The following BRWD3 variants were observed in gnomAD, a reference collection of about 807,000 sequenced individuals.
BRWD3 encodes bromodomain and WD repeat domain containing 3.
BRWD3 carries 10 observed loss-of-function variants against 149.7 expected under a neutral mutation model. The ratio of observed to expected loss-of-function variants is 0.07; its 90% CI spans 0.04 to 0.11. The LOEUF (loss-of-function observed/expected upper bound fraction) is 0.11. Among genes scored for constraint, BRWD3 ranks in the 10% least tolerant of loss-of-function variants. The pLI is 1.00. For synonymous variants in BRWD3, 504 were observed against 456.7 expected (o/e 1.10, Z -1.32); for missense variants, 940 against 1,373.2 (o/e 0.68, Z 4.99).
Position 80,795,392 on chromosome X carries a change from CAT to C in BRWD3, c.181-1622_181-1621del, listed in dbSNP as rs764551317. Among the ~76,000 whole-genome samples, 15 of 108,506 alleles carry C rather than the reference CAT, an allele frequency of 1.4e-4. No individual in the cohort carries two copies. The South Asian group carries it at 2.7e-3, about 20-fold the overall frequency. 94.2% of individuals were successfully genotyped at this position (108,506 alleles called of 115,157 possible). A position where few individuals can be genotyped will look rare whatever the true frequency, so the allele number is the denominator to read the frequency against. On this transcript the variant is annotated intron_variant, in intron 4 of 40. Transcript: ENST00000373275. ...ATGTGTATATATACACACATATATA[CAT>C]ATATGTGTGTATATTCAGTGGTATA...
intron 8 of BRWD3, among the ~76,000 whole-genome samples, chrX:80,741,299 C>T (rs866902758): frequency 1.8e-5 from 2 of 111,977 alleles, no homozygotes; most frequent in Non-Finnish European, 1.9e-5. Flanking sequence ...TTTCTTAATC[C>T]AGTCTATCAT....
rs1169072484 is a variant in BRWD3, at chrX:80,682,016, G to C, written c.4476C>G (p.Ser1492Arg). The part of the protein sequence containing the change: ...QNTSVSHART[S>R]SPFSSPVSDA... ...ATTTACCAGGAGATGAGAAAGGAGA[G>C]CTAGTCCTGGCATGAGATACTGAGG... The change falls in exon 39 of 41, where the codon AGC becomes AGG. Residue 1492 changes from serine to arginine, a missense_variant. This residue lies in a region of BRWD3 where 349 missense variants were observed against 419.6 expected (regional missense o/e 0.83). Transcript: ENST00000373275. 7.5e-6 allele frequency: 9 copies of C among 1,202,754 alleles called. No individual in the cohort carries two copies. The highest frequency in any genetic ancestry group is 1.0e-5 in the Non-Finnish European group (9 of 889,234).
intron 20 of BRWD3, among the ~76,000 whole-genome samples, chrX:80,713,500 C>A (rs6616698): frequency 1.8e-5 from 2 of 109,205 alleles, no homozygotes; most frequent in African/African-American, 3.4e-5. Flanking sequence ...CAGCATGCTC[C>A]TTAAGAGTCA....
chrX:80,740,102 A>AT (rs1275031577), intron 8 of BRWD3, among the ~76,000 whole-genome samples: 14 of 111,854 alleles, frequency 1.3e-4, no homozygotes, highest in Non-Finnish European at 2.1e-4. Flanking sequence ...GTTGACATGA[A>AT]TTTTTTTCAA....
intron 4 of BRWD3, among the ~76,000 whole-genome samples, chrX:80,807,383 CAAAAAT>C (rs1009253979): frequency 9.0e-6 from 1 of 111,716 alleles, no homozygotes; most frequent in African/African-American, 3.3e-5. Context: ...ATAACACAAA[CAAAAAT>C]AACAAAATGA....
intron 8 of BRWD3, among the ~76,000 whole-genome samples, chrX:80,742,214 T>C (rs2073522443): frequency 9.0e-6 from 1 of 110,944 alleles, no homozygotes; most frequent in South Asian, 3.9e-4. Flanking sequence ...AAAGATCAGA[T>C]GGTTGTAGAT....
rs769680542 is a variant in BRWD3 at position 80,695,953 on chromosome X, G to A, written c.3106C>T (p.Leu1036=). 10 of 1,209,627 alleles carry A rather than the reference G, an allele frequency of 8.3e-6. No homozygotes were observed. In the South Asian group the frequency reaches 1.8e-4, roughly 21 times the overall value. ...DMPDVIDFLV[L]HQFYNEAKER... Reference sequence around the variant, plus strand: ...TTGGCTTCATTATAAAACTGATGTAGCACAAGGAAGTCAATGACATCCGGC... The same window carrying A: ...TTGGCTTCATTATAAAACTGATGTAACACAAGGAAGTCAATGACATCCGGC... The change falls in exon 27 of 41, where the codon CTA becomes TTA. Residue 1036 remains leucine, a synonymous_variant. Transcript: ENST00000373275.
intron 19 of BRWD3, chrX:80,716,833 G>C (rs191300594): frequency 9.1e-6 from 1 of 110,493 alleles, no homozygotes; most frequent in African/African-American, 3.3e-5. Flanking sequence ...TCTATGTTTT[G>C]AGTAAATAAT....
intron 6 of BRWD3, among the ~76,000 whole-genome samples, chrX:80,747,983 T>C (rs948976169): frequency 9.0e-6 from 1 of 111,357 alleles, no homozygotes; most frequent in African/African-American, 3.3e-5. Context: ...AGACTTCCTG[T>C]GCTACATTGA....
chrX:80,715,682 A>C (rs1359932741), intron 20 of BRWD3, among the ~76,000 whole-genome samples: 1 of 112,200 alleles, frequency 8.9e-6, no homozygotes, highest in Non-Finnish European at 1.9e-5. Context: ...CTCTGTTACA[A>C]CTATTCAATT....
At chrX:80,681,547 G>A (rs1480006939) in intron 39 of BRWD3, 48 bp from the exon 40 acceptor site, 1 of 1,067,764 alleles carries the variant, frequency 9.4e-7, no homozygotes, top group African/African-American at 1.8e-5. Context: ...CATGTTTTCA[G>A]GAAAGTTAAA....
At chrX:80,764,194 A>T (rs956417547) in intron 6 of BRWD3, among the ~76,000 whole-genome samples, 2 of 112,764 alleles carry the variant, frequency 1.8e-5, no homozygotes, top group Non-Finnish European at 1.9e-5. Context: ...CCTAAACCTT[A>T]CACCTTACAG....
At chrX:80,747,532 A>G (rs1187163005) in intron 6 of BRWD3, among the ~76,000 whole-genome samples, 1 of 111,164 alleles carries the variant, frequency 9.0e-6, no homozygotes, top group Non-Finnish European at 1.9e-5. Context: ...CAGAAAAGCA[A>G]TTTTGAGAAG....
At chrX:80,717,802 C>T in intron 18 of BRWD3, 43 bp from the exon 19 acceptor site, 4 of 1,137,740 alleles carry the variant, frequency 3.5e-6, no homozygotes, top group Non-Finnish European at 4.8e-6. Flanking sequence ...TGAGCAAAGG[C>T]ACCATAGTTT....
At chrX:80,760,918 C>T (rs2073795879) in intron 6 of BRWD3, among the ~76,000 whole-genome samples, 1 of 111,235 alleles carries the variant, frequency 9.0e-6, no homozygotes, top group African/African-American at 3.3e-5. Context: ...GTGGTAATTC[C>T]TACCTATAAT....
intron 4 of BRWD3, among the ~76,000 whole-genome samples, chrX:80,806,735 T>C (rs1258797344): frequency 1.8e-5 from 2 of 112,509 alleles, no homozygotes; most frequent in Non-Finnish European, 3.8e-5. Flanking sequence ...AATTTTTTCT[T>C]ACCATTAAAA....
chrX:80,750,641 G>A (rs952189476), intron 6 of BRWD3, among the ~76,000 whole-genome samples: 6 of 111,330 alleles, frequency 5.4e-5, no homozygotes, highest in African/African-American at 2.0e-4. Flanking sequence ...AATGTAAATT[G>A]AAACATTTTG....
At chrX:80,778,855 T>C (rs1472477750) in intron 6 of BRWD3, among the ~76,000 whole-genome samples, 1 of 110,772 alleles carries the variant, frequency 9.0e-6, no homozygotes, top group Non-Finnish European at 1.9e-5. Context: ...AAAAATTAGC[T>C]GAGCGTGGTG....
At chrX:80,710,731 T>C (rs1985678462) in intron 20 of BRWD3, 7 of 552,708 alleles carry the variant, frequency 1.3e-5, no homozygotes, top group South Asian at 6.9e-5. Context: ...CCTATGTATG[T>C]ATTATCAAAT....
Sources: gnomAD v4.1 joint callset for allele counts (sites outside exome capture counted in the v4.1 genomes callset) on GRCh38, gnomAD v4.1.1 for gene constraint, gnomAD v4.1.1 regional missense constraint, MANE v1.5 for transcripts, NCBI Gene and HGNC (gene_info 2026-07-23, HGNC 2026-07-21) for gene names.